Variants in PKHD1L1 observed in about 807,000 individuals in gnomAD.
PKHD1L1 encodes the protein fibrocystin-L.
Under a neutral mutation model 462.9 loss-of-function variants are expected in PKHD1L1, and 434 were observed. The observed-to-expected ratio is 0.94, with a 90% CI of 0.87 to 1.02. The LOEUF (loss-of-function observed/expected upper bound fraction) is 1.02, where lower values mean the gene tolerates loss of function less well. Ranked by LOEUF, PKHD1L1 falls within the 50% of genes least tolerant of loss-of-function variation. The probability of loss-of-function intolerance (pLI) is 0.00; values close to 1 mark genes in which losing one functional copy is unlikely to be tolerated. For missense variants in PKHD1L1, 5,202 were observed against 5,096.1 expected (o/e 1.02, Z -0.63); for synonymous variants, 1,781 against 1,750.0 (o/e 1.02, Z -0.44).
In PKHD1L1 at chr8:109,475,257, CT is replaced by C. The variant is rs1434886658; in HGVS notation, c.8746del (p.Tyr2916MetfsTer9). ...CCAACATTTCATATACATCGACATT[CT>C]ATGGATTCAAGGTAAAAATATTTAT... ...ITNISYTSTF[Y>X]GFKEEDYVII... On this transcript the variant is annotated frameshift_variant, in exon 51 of 78. Coordinates refer to ENST00000378402, the MANE Select transcript of PKHD1L1 (RefSeq NM_177531.6). LOFTEE classifies it high-confidence loss of function. 2 of 1,604,432 alleles carry C rather than the reference CT, an allele frequency of 1.2e-6. No homozygotes were observed. Among genetic ancestry groups the C allele is most frequent in the Non-Finnish European group, 1.7e-6 (2 of 1,174,158 alleles).
chr8:109,400,103 G>A lies in PKHD1L1; in HGVS notation c.1040G>A (p.Trp347Ter), dbSNP rs1225330875. 1 of 1,613,192 alleles carries A rather than the reference G, an allele frequency of 6.2e-7. No individual in the cohort carries two copies. The highest frequency in any genetic ancestry group is 1.7e-5 in the Admixed American group (1 of 59,938). ...GGGAGAGGCCTGAAGCTTGAGGTGT[G>A]GAATAATAGCCGTCCAATACGTTTG... ...PGGRGLKLEVWNNSRPIRLEE... is the reference protein window; with the variant it reads ...PGGRGLKLEV Residue 347 changes from tryptophan to a stop codon, truncating the protein, a stop_gained, in exon 13 of 78, where the codon TGG becomes TAG. Transcript: ENST00000378402. LOFTEE classifies it high-confidence loss of function.
chr8:109,450,255 C>A (rs1257044281), intron 40 of PKHD1L1, among the ~76,000 whole-genome samples: 2 of 152,052 alleles, frequency 1.3e-5, no homozygotes, highest in Admixed American at 1.3e-4. Context: ...TATTACTTAA[C>A]AAAATTTAAG....
intron 40 of PKHD1L1, among the ~76,000 whole-genome samples, chr8:109,450,293 A>G (rs1816412659): frequency 6.6e-6 from 1 of 152,254 alleles, no homozygotes. Flanking sequence ...TGAATATTCT[A>G]TAAGAATAAA....
chr8:109,434,936 C>T (rs191707032), intron 28 of PKHD1L1, among the ~76,000 whole-genome samples: 19 of 151,950 alleles, frequency 1.3e-4, no homozygotes, highest in Admixed American at 5.9e-4. Context: ...CAGTAGCATC[C>T]GAAGCAGATT....
At chr8:109,383,596 A>G (rs1238516163) in intron 4 of PKHD1L1, among the ~76,000 whole-genome samples, 2 of 150,332 alleles carry the variant, frequency 1.3e-5, no homozygotes, top group East Asian at 3.9e-4. Context: ...AACAATAATG[A>G]CATCTGTCTT....
chr8:109,492,540 T>C (rs549587652), intron 62 of PKHD1L1, among the ~76,000 whole-genome samples: 14 of 151,890 alleles, frequency 9.2e-5, no homozygotes, highest in Non-Finnish European at 1.6e-4. Context: ...AAAATAGTTA[T>C]CTTTGAAAGA....
chr8:109,483,641 AT>A (rs1454760829), intron 57 of PKHD1L1, among the ~76,000 whole-genome samples: 1 of 150,544 alleles, frequency 6.6e-6, no homozygotes, highest in African/African-American at 2.4e-5. Flanking sequence ...GTCATATTTT[AT>A]GCCAATGTAT....
intron 4 of PKHD1L1, among the ~76,000 whole-genome samples, chr8:109,382,864 T>G (rs1812196983): frequency 6.6e-6 from 1 of 150,860 alleles, no homozygotes; most frequent in Non-Finnish European, 1.5e-5. Context: ...TTAGTGTGAT[T>G]CTCCCTTTTC....
At chr8:109,429,749 C>T (rs957914143) in intron 26 of PKHD1L1, among the ~76,000 whole-genome samples, 183 bp from the exon 27 acceptor site, 1 of 151,912 alleles carries the variant, frequency 6.6e-6, no homozygotes, top group Non-Finnish European at 1.5e-5. Flanking sequence ...AAATTAAAGT[C>T]AAAAGAGATT....
intron 1 of PKHD1L1, among the ~76,000 whole-genome samples, chr8:109,363,318 G>C (rs1460771165): frequency 6.6e-6 from 1 of 151,906 alleles, no homozygotes; most frequent in Non-Finnish European, 1.5e-5. Context: ...GCGGGAATAA[G>C]AACACCTTGG....
chr8:109,399,676 G>A (rs1813171379), intron 12 of PKHD1L1, among the ~76,000 whole-genome samples: 1 of 152,006 alleles, frequency 6.6e-6, no homozygotes, highest in South Asian at 2.1e-4. Context: ...AATAGTCAAG[G>A]CAAAGGTTTT....
chr8:109,376,216 C>G (rs528471980), intron 2 of PKHD1L1, among the ~76,000 whole-genome samples: 15 of 152,356 alleles, frequency 9.8e-5, no homozygotes, highest in African/African-American at 2.9e-4. Context: ...GCCCCTCCCC[C>G]AGCCTCGCTG....
Position 109,433,097 on chromosome 8 carries a change from C to G in PKHD1L1, c.3230-9C>G. ...CTTTAATATTGTTATTTAAATTGAT[C>G]ATTTTTAGGGTCCTATGAAGAAGGC... On this transcript the variant is annotated splice_polypyrimidine_tract_variant and intron_variant, in intron 27 of 77. Coordinates refer to ENST00000378402, the MANE Select transcript of PKHD1L1 (RefSeq NM_177531.6). The G allele has an allele frequency of 1.3e-6, 2 of 1,558,012 alleles. No individual in the cohort carries two copies. The highest frequency in any genetic ancestry group is 1.8e-6 in the Non-Finnish European group (2 of 1,142,600).
chr8:109,450,087 T>G (rs1816398253), intron 40 of PKHD1L1, among the ~76,000 whole-genome samples: 2 of 152,334 alleles, frequency 1.3e-5, no homozygotes, highest in South Asian at 4.1e-4. Flanking sequence ...CTCTGAGGAG[T>G]TCCTGAATCT....
At position 109,423,161 on chromosome 8, in the gene PKHD1L1, CT is replaced by C. The variant is rs537963326; in HGVS notation, c.2698-1914del. Among the ~76,000 whole-genome samples the C allele has an allele frequency of 8.5e-3, 1,278 of 149,824 alleles. 9 individuals are homozygous for C. The highest frequency in any genetic ancestry group is 0.011 in the Non-Finnish European group (722 of 67,242). ...AAATTTTATGAGGCCAAATTTATCA[CT>C]TTTTTTTTTCTTTTTTGAACGGTGC... On this transcript the variant is annotated intron_variant, in intron 23 of 77. Coordinates refer to ENST00000378402, the MANE Select transcript of PKHD1L1 (RefSeq NM_177531.6).
At chr8:109,513,762 C>T (rs775201635) in intron 71 of PKHD1L1, among the ~76,000 whole-genome samples, 24 of 152,102 alleles carry the variant, frequency 1.6e-4, no homozygotes, top group Non-Finnish European at 1.8e-4. Flanking sequence ...CATTCCTCAT[C>T]CAACCCATCT....
At chr8:109,485,668 A>G (rs1818488934) in intron 58 of PKHD1L1, among the ~76,000 whole-genome samples, 1 of 151,938 alleles carries the variant, frequency 6.6e-6, no homozygotes, top group African/African-American at 2.4e-5. Context: ...GCCTTTCCCC[A>G]TTTGGCATGG....
chr8:109,404,723 G>A lies in PKHD1L1; in HGVS notation c.1533+10G>A. 2 of 1,585,054 alleles carry A rather than the reference G, an allele frequency of 1.3e-6. No homozygotes were observed. Among genetic ancestry groups the A allele is most frequent in the Middle Eastern group, 1.7e-4 (1 of 5,956 alleles). ...CCTCCAGGAAGTACAGGTTTGCTAT[G>A]ATTGCAGTTCCTCTTACAGAAAGTA... is the stretch of plus-strand genomic sequence containing the variant. On this transcript the variant is annotated intron_variant, in intron 15 of 77. Transcript: ENST00000378402.
chr8:109,442,991 G>A lies in PKHD1L1; in HGVS notation c.4439G>A (p.Ser1480Asn), dbSNP rs1445815106. ...QFTSPGIHYY[S>N]SGYVDEAHSI... ...ACTTCTCCTGGAATCCATTATTATAGCAGCGGGTATGTTGATGAGGCTCAC... is the reference window on the plus strand; with the variant it reads ...ACTTCTCCTGGAATCCATTATTATAACAGCGGGTATGTTGATGAGGCTCAC... Residue 1480 changes from serine to asparagine, a missense_variant, in exon 36 of 78, where the codon AGC (serine) becomes AAC (asparagine). Coordinates refer to ENST00000378402, the MANE Select transcript of PKHD1L1 (RefSeq NM_177531.6). The A allele has an allele frequency of 1.2e-6, 2 of 1,613,316 alleles. No homozygotes were observed. Among genetic ancestry groups the A allele is most frequent in the Non-Finnish European group, 1.7e-6 (2 of 1,179,486 alleles).
Sources: gnomAD v4.1 joint callset for allele counts (sites outside exome capture counted in the v4.1 genomes callset) on GRCh38, gnomAD v4.1.1 for gene constraint, MANE v1.5 for transcripts, NCBI Gene and HGNC (gene_info 2026-07-23, HGNC 2026-07-21) for gene names.